FHIT: variants seen among roughly 807,000 people sequenced by gnomAD.
The protein encoded by FHIT is bis(5'-adenosyl)-triphosphatase.
FHIT carries 19 observed loss-of-function variants against 17.9 expected under a neutral mutation model. The ratio of observed to expected loss-of-function variants is 1.06; its 90% CI spans 0.74 to 1.56. The LOEUF (loss-of-function observed/expected upper bound fraction) is 1.56. Ranked by LOEUF, FHIT falls within the 40% of genes most tolerant of loss-of-function variation. The probability of loss-of-function intolerance (pLI) is 0.00; values close to 1 mark genes in which losing one functional copy is unlikely to be tolerated. For synonymous variants in FHIT, 81 were observed against 69.7 expected, an observed-to-expected ratio of 1.16 and a Z score of -0.81; for missense variants, 248 against 189.2, an observed-to-expected ratio of 1.31 and a Z score of -1.82.
intron 5 of FHIT, among the ~76,000 whole-genome samples, chr3:60,473,046 G>C (rs1159964809): frequency 1.3e-5 from 2 of 152,000 alleles, no homozygotes; most frequent in African/African-American, 4.8e-5. Context: ...TCCCAGAGTT[G>C]ATCCTTTGCT....
At chr3:60,938,279 A>C (rs1553773625) in intron 3 of FHIT, among the ~76,000 whole-genome samples, 1 of 152,176 alleles carries the variant, frequency 6.6e-6, no homozygotes. Flanking sequence ...GCTATGTAGA[A>C]TGCTGTATGA....
intron 5 of FHIT, among the ~76,000 whole-genome samples, chr3:60,034,158 G>A (rs571126292): frequency 6.6e-6 from 1 of 152,336 alleles, no homozygotes; most frequent in African/African-American, 2.4e-5. Context: ...CTGGAGCAGA[G>A]ATTGATCACT....
At chr3:59,855,058 C>T (rs1702097474) in intron 8 of FHIT, among the ~76,000 whole-genome samples, 1 of 152,210 alleles carries the variant, frequency 6.6e-6, no homozygotes, top group African/African-American at 2.4e-5. Context: ...TGATTCAATA[C>T]TAATTGCACT....
At chr3:61,172,639 C>A (rs572782776) in intron 2 of FHIT, among the ~76,000 whole-genome samples, 9 of 152,206 alleles carry the variant, frequency 5.9e-5, no homozygotes, top group East Asian at 1.9e-4. Flanking sequence ...AAAGGAATCC[C>A]TTCTTCATTT....
chr3:60,083,380 A>G (rs1012199364), intron 5 of FHIT, among the ~76,000 whole-genome samples: 2 of 152,126 alleles, frequency 1.3e-5, no homozygotes, highest in African/African-American at 4.8e-5. Context: ...GTTTGAAGTC[A>G]GATAACATGA....
chr3:61,121,900 T>C (rs1297340719), intron 2 of FHIT, among the ~76,000 whole-genome samples: 2 of 151,458 alleles, frequency 1.3e-5, no homozygotes, highest in South Asian at 2.1e-4. Context: ...ACCAAGCAAA[T>C]GGAAAGCAAA....
intron 4 of FHIT, among the ~76,000 whole-genome samples, chr3:60,646,434 T>G (rs116427943): frequency 0.025 from 3,848 of 152,274 alleles, 78 homozygotes; most frequent in South Asian, 0.045. Context: ...CCTAATTATA[T>G]CATCCTTTAT....
chr3:60,211,438 AT>A, intron 5 of FHIT, among the ~76,000 whole-genome samples: 1 of 152,262 alleles, frequency 6.6e-6, no homozygotes, highest in East Asian at 1.9e-4. Context: ...GAAATCATAA[AT>A]ATTCTACATA....
At chr3:60,521,458 A>G (rs2734404) in intron 5 of FHIT, among the ~76,000 whole-genome samples, 13,342 of 152,172 alleles carry the variant, frequency 0.088, 833 homozygotes, top group Middle Eastern at 0.21. Context: ...CGTGTTAGCC[A>G]GGATGGTCTC....
At chr3:60,680,214 T>A (rs9868561) in intron 4 of FHIT, among the ~76,000 whole-genome samples, 2,859 of 152,246 alleles carry the variant, frequency 0.019, 113 homozygotes, top group African/African-American at 0.065. Context: ...CTAGAATTGT[T>A]AGATTTATTT....
chr3:60,365,353 T>A (rs1056880394), intron 5 of FHIT, among the ~76,000 whole-genome samples: 1 of 152,048 alleles, frequency 6.6e-6, no homozygotes, highest in Non-Finnish European at 1.5e-5. Flanking sequence ...AAAAAATACA[T>A]GCTTAAACCT....
At chr3:61,163,971 A>G (rs2037765980) in intron 2 of FHIT, among the ~76,000 whole-genome samples, 1 of 152,200 alleles carries the variant, frequency 6.6e-6, no homozygotes, top group African/African-American at 2.4e-5. Flanking sequence ...TACATCAGCA[A>G]CACAGTAGAT....
chr3:60,678,962 AAAAAAAAAAACAAGC>A (rs1402859297), intron 4 of FHIT, among the ~76,000 whole-genome samples: 3 of 150,096 alleles, frequency 2.0e-5, no homozygotes, highest in African/African-American at 7.3e-5. Context: ...TGAGTCCTTA[AAAAAAAAAAACAAGC>A]AAAAAAAAAA....
chr3:59,878,903 C>T (rs143876427), intron 8 of FHIT, among the ~76,000 whole-genome samples: 2,382 of 152,124 alleles, frequency 0.016, 29 homozygotes, highest in South Asian at 0.021. Flanking sequence ...TTTTTTACTC[C>T]CCTTGTTCAT....
In FHIT at chr3:59,868,096, C is replaced by T. The variant is rs909232796; in HGVS notation, c.348+54250G>A. ...TCATTGTGTTTTGCCAGAATAAAGA[C>T]TGAACATGGCCCTAGCGGAAGAGCT... On this transcript the variant is annotated intron_variant, in intron 8 of 9. Coordinates refer to ENST00000492590, the MANE Select transcript of FHIT (RefSeq NM_002012.4). Among the ~76,000 whole-genome samples the T allele has an allele frequency of 3.7e-5, 5 of 135,674 alleles. 1 individual carries two copies. Among genetic ancestry groups the T allele is most frequent in the African/African-American group, 1.1e-4 (4 of 35,998 alleles). 89.0% of individuals were successfully genotyped at this position (135,674 alleles called of 152,430 possible).
intron 5 of FHIT, among the ~76,000 whole-genome samples, chr3:60,079,939 G>C (rs373723569): frequency 5.3e-5 from 8 of 152,122 alleles, no homozygotes; most frequent in African/African-American, 1.9e-4. Context: ...GCTAATGATA[G>C]ATTTTTTTTC....
intron 7 of FHIT, among the ~76,000 whole-genome samples, chr3:59,977,340 A>G (rs948937669): frequency 3.9e-5 from 6 of 152,138 alleles, no homozygotes; most frequent in Non-Finnish European, 8.8e-5. Flanking sequence ...AAAGATGACT[A>G]CAATTTATGC....
intron 1 of FHIT, among the ~76,000 whole-genome samples, chr3:61,209,148 A>G (rs565993938): frequency 4.7e-4 from 71 of 150,666 alleles, no homozygotes; most frequent in African/African-American, 1.7e-3. Flanking sequence ...ATTGGCCCCC[A>G]CTCTCTTCTG....
At chr3:61,233,742 G>C (rs2040162130) in intron 1 of FHIT, among the ~76,000 whole-genome samples, 1 of 152,104 alleles carries the variant, frequency 6.6e-6, no homozygotes. Context: ...ACAACTCCCA[G>C]GATCAAGAAT....
Sources: gnomAD v4.1 joint callset for allele counts (sites outside exome capture counted in the v4.1 genomes callset) on GRCh38, gnomAD v4.1.1 for gene constraint, MANE v1.5 for transcripts, NCBI Gene and HGNC (gene_info 2026-07-23, HGNC 2026-07-21) for gene names.